The following TBC1D8 variants were observed in gnomAD, a reference collection of about 807,000 sequenced individuals.
The protein encoded by TBC1D8 is BUB2-like protein 1.
A neutral mutation model predicts 118.8 loss-of-function variants in TBC1D8; 65 were observed. The observed-to-expected ratio is 0.55, with a 90% CI of 0.45 to 0.67. TBC1D8 has a LOEUF of 0.67. Ranked by LOEUF, TBC1D8 falls within the 30% of genes least tolerant of loss-of-function variation. The pLI, the probability that TBC1D8 is intolerant of heterozygous loss-of-function variation, is 0.00. For missense variants in TBC1D8, 1,376 were observed against 1,471.2 expected (o/e 0.94, Z 1.06); for synonymous variants, 566 against 595.8 (o/e 0.95, Z 0.73).
chr2:101,035,442 G>A lies in TBC1D8; in HGVS notation c.1603+576C>T, dbSNP rs1050225292. ...AATGTCCTGATGAGGGTTCCCAGGC[G>A]TTCCCCAATGGGTGCAGTGAGAGGC... On this transcript the variant is annotated intron_variant, in intron 9 of 19. Transcript: ENST00000409318. Among the ~76,000 whole-genome samples, 9 of 152,168 alleles carry A rather than the reference G, an allele frequency of 5.9e-5. No homozygotes were observed. The South Asian group carries it at 1.0e-3, about 17-fold the overall frequency.
intron 17 of TBC1D8, among the ~76,000 whole-genome samples, chr2:101,021,467 C>T (rs1412416864): frequency 1.3e-5 from 2 of 152,148 alleles, no homozygotes; most frequent in Non-Finnish European, 2.9e-5. Flanking sequence ...AACAGGCCCT[C>T]CAGGCAACTC....
Position 101,010,960 on chromosome 2 carries a change from T to G in TBC1D8, c.2984A>C (p.Lys995Thr), listed in dbSNP as rs897663153. Residue 995 changes from lysine (K) to threonine (T), a missense_variant, in exon 19 of 20, where the codon AAA becomes ACA. Physicochemically the swap from Lys to Thr is moderately conservative, Grantham distance 78 (BLOSUM62 -1). Transcript: ENST00000409318. The stretch of plus-strand genomic sequence containing the variant: ...CATTTTGGGCAATTCTTTCTCAGTT[T>G]TATCTTTTTCTTTGGCTAAATCCTT... ...MIKDLAKEKD[K>T]TEKELPKMSQ... is the part of the protein sequence containing the mutation. 3.1e-6 allele frequency: 5 copies of G among 1,613,080 alleles called. No homozygotes were observed.
At chr2:101,123,817 GCC>G in intron 1 of TBC1D8, among the ~76,000 whole-genome samples, 1 of 152,304 alleles carries the variant, frequency 6.6e-6, no homozygotes, top group East Asian at 1.9e-4. Context: ...GTCCTGCAGA[GCC>G]CCTGACAGGG....
In TBC1D8 at chr2:101,151,227, C is replaced by A; in HGVS notation, c.27G>T (p.Leu9=). 2.4e-6 allele frequency: 3 copies of A among 1,246,630 alleles called. No individual in the cohort carries two copies. The highest frequency in any genetic ancestry group is 3.1e-6 in the Non-Finnish European group (3 of 969,746). 77.2% of individuals were successfully genotyped at this position (1,246,630 alleles called of 1,614,324 possible). ...CCCAGAGCTTCAGCGCGTTCTTCAG[C>A]AGCACCTCCTCGGGCTTGAGCCACA... The part of the protein sequence containing the change: MWLKPEEV[L]LKNALKLWVT... Residue 9 remains leucine, a synonymous_variant, in exon 1 of 20, where the codon CTG becomes CTT. Transcript: ENST00000409318.
chr2:101,129,853 C>T (rs1161838782), intron 1 of TBC1D8, among the ~76,000 whole-genome samples: 13 of 150,384 alleles, frequency 8.6e-5, no homozygotes, highest in Non-Finnish European at 1.8e-4. Flanking sequence ...AGCAGTGAGC[C>T]GAGATAGTGC....
chr2:101,143,128 T>C (rs531791983), intron 1 of TBC1D8, among the ~76,000 whole-genome samples: 6 of 149,852 alleles, frequency 4.0e-5, no homozygotes, highest in Non-Finnish European at 7.4e-5. Flanking sequence ...AATGGCGAGA[T>C]CTCGGCTCAC....
chr2:101,043,967 A>T (rs930352409), intron 5 of TBC1D8, among the ~76,000 whole-genome samples: 1 of 152,032 alleles, frequency 6.6e-6, no homozygotes, highest in Non-Finnish European at 1.5e-5. Context: ...AAAAAGAATA[A>T]GGTGCTCCCG....
In TBC1D8 at chr2:101,027,458, G is replaced by A. The variant is rs1002724490; in HGVS notation, c.2452-7C>T. 3 of 1,612,642 alleles carry A rather than the reference G, an allele frequency of 1.9e-6. No individual in the cohort carries two copies. Among genetic ancestry groups the A allele is most frequent in the East Asian group, 2.2e-5 (1 of 44,836 alleles). ...CCGGGATAACGACTCGAAGCTTGAGGAAAGAATAAACAGCAATGGCGTGAA... is the reference window on the plus strand; with the variant it reads ...CCGGGATAACGACTCGAAGCTTGAGAAAAGAATAAACAGCAATGGCGTGAA... On this transcript the variant is annotated splice_polypyrimidine_tract_variant and splice_region_variant and intron_variant, in intron 14 of 19. Transcript: ENST00000409318.
intron 18 of TBC1D8, 87 bp from the exon 19 acceptor site, chr2:101,011,113 G>A: frequency 1.6e-6 from 2 of 1,288,858 alleles, no homozygotes; most frequent in Non-Finnish European, 1.1e-6. Context: ...GAGGAGCAAG[G>A]GGGTGAGGAA....
In TBC1D8 at chr2:101,151,299, G is replaced by T. The variant is rs1475294268; in HGVS notation, c.-46C>A. The T allele has an allele frequency of 7.2e-6, 8 of 1,109,474 alleles. No individual in the cohort carries two copies. The highest frequency in any genetic ancestry group is 5.1e-5 in the East Asian group (1 of 19,522). 68.7% of individuals were successfully genotyped at this position (1,109,474 alleles called of 1,614,324 possible). ...CGCCGGCCCCAGCTCACATCTCCCC[G>T]GCCGCCGGTCGCTGTGAGCCGAGCC... On this transcript the variant is annotated 5_prime_UTR_variant, in exon 1 of 20. Transcript: ENST00000409318.
In TBC1D8 at chr2:101,036,164, C is replaced by G; in HGVS notation, c.1457G>C (p.Arg486Thr). 1 of 1,613,266 alleles carries G rather than the reference C, an allele frequency of 6.2e-7. No homozygotes were observed. The highest frequency in any genetic ancestry group is 8.5e-7 in the Non-Finnish European group (1 of 1,179,270). Residue 486 changes from arginine (R) to threonine (T), a missense_variant, in exon 9 of 20, where the codon AGA becomes ACA. Physicochemically the swap from Arg to Thr is moderately conservative, Grantham distance 71. Transcript: ENST00000409318. ...GSQSPDSRMS[R>T]EQIKISLWND... ...CCACAGGCTTATTTTTATCTGTTCT[C>G]TGGACTGGAAATGGGAATATTCTTA...
At chr2:101,072,629 G>A (rs1258430849) in intron 2 of TBC1D8, among the ~76,000 whole-genome samples, 2 of 152,162 alleles carry the variant, frequency 1.3e-5, no homozygotes. Flanking sequence ...ATTCCCATAA[G>A]GAGTACTTGA....
At chr2:101,011,614 AG>A (rs1376264519) in intron 17 of TBC1D8, 74 bp from the exon 18 acceptor site, 1 of 1,485,814 alleles carries the variant, frequency 6.7e-7, no homozygotes, top group Non-Finnish European at 9.3e-7. Flanking sequence ...GTAGCTTTCT[AG>A]GCAACTAAAG....
chr2:101,027,522 A>G (rs956525113), intron 14 of TBC1D8, 71 bp from the exon 15 acceptor site: 4 of 1,412,516 alleles, frequency 2.8e-6, no homozygotes, highest in African/African-American at 2.8e-5. Flanking sequence ...GCAAGAGGGG[A>G]CTCTTCCTCC....
At chr2:101,022,544 GA>G in intron 15 of TBC1D8, 23 bp from the exon 16 acceptor site, 1 of 1,582,734 alleles carries the variant, frequency 6.3e-7, no homozygotes, top group Non-Finnish European at 8.5e-7. Context: ...GGGGGAAAGG[GA>G]GTTCTTACCA....
chr2:101,053,988 T>C, intron 4 of TBC1D8, 120 bp downstream of exon 4: 1 of 863,584 alleles, frequency 1.2e-6, no homozygotes, highest in South Asian at 1.8e-5. Context: ...TGTCACCTGG[T>C]GTCATCTCCA....
intron 1 of TBC1D8, among the ~76,000 whole-genome samples, chr2:101,148,242 G>A (rs746607160): frequency 2.0e-5 from 3 of 152,184 alleles, no homozygotes; most frequent in Admixed American, 1.3e-4. Flanking sequence ...AGAGACAGGG[G>A]TTGTTCCTGT....
intron 1 of TBC1D8, among the ~76,000 whole-genome samples, chr2:101,150,828 G>A (rs1205935688): frequency 6.6e-6 from 1 of 151,948 alleles, no homozygotes; most frequent in Non-Finnish European, 1.5e-5. Context: ...CGCTCCACCC[G>A]GCGTTTCTCC....
intron 2 of TBC1D8, among the ~76,000 whole-genome samples, chr2:101,067,379 C>A (rs1683072652): frequency 6.6e-6 from 1 of 152,196 alleles, no homozygotes; most frequent in Admixed American, 6.5e-5. Flanking sequence ...TTTTCACAGA[C>A]TGTCGTGGGG....
Sources: gnomAD v4.1 joint callset for allele counts (sites outside exome capture counted in the v4.1 genomes callset) on GRCh38, gnomAD v4.1.1 for gene constraint, MANE v1.5 for transcripts, NCBI Gene and HGNC (gene_info 2026-07-23, HGNC 2026-07-21) for gene names.